TSHZ3: variants seen among roughly 807,000 people sequenced by gnomAD.
TSHZ3 encodes the protein teashirt zinc finger homeobox 3, also known as teashirt homolog 3.
A neutral mutation model predicts 64.5 loss-of-function variants in TSHZ3; 10 were observed. That is an observed-to-expected ratio of 0.16 (90% CI 0.10 to 0.26). The LOEUF (loss-of-function observed/expected upper bound fraction) is 0.26. Among genes scored for constraint, TSHZ3 ranks in the 10% least tolerant of loss-of-function variants. The pLI is 1.00. For missense variants in TSHZ3, 1,242 were observed against 1,421.7 expected (o/e 0.87, Z 2.03); for synonymous variants, 608 against 593.1 (o/e 1.03, Z -0.36).
At chr19:31,329,621 T>C (rs1917019666) in intron 1 of TSHZ3, among the ~76,000 whole-genome samples, 1 of 152,210 alleles carries the variant, frequency 6.6e-6, no homozygotes. Context: ...TGGCTACCAA[T>C]AAAAATGAAC....
At position 31,275,267 on chromosome 19, in the gene TSHZ3, A is replaced by G. The variant is rs1251241159; in HGVS notation, c.*1280T>C. 1.3e-5 allele frequency: 2 copies of G among 152,622 alleles called. No individual in the cohort carries two copies. The highest frequency in any genetic ancestry group is 2.9e-5 in the Non-Finnish European group (2 of 68,048). The allele number at this position is 152,622 out of a possible 1,614,324, so 9.5% of individuals were successfully genotyped here. On this transcript the variant is annotated 3_prime_UTR_variant, in exon 2 of 2. Coordinates refer to ENST00000240587, the MANE Select transcript of TSHZ3 (RefSeq NM_020856.4). ...GGAAGAACAAAACAGAAAGTTACCA[A>G]TTGAAATAGAAAGGCATCCTACAAT...
Position 31,171,316 on chromosome 19 carries a change from T to A in TSHZ3, n.810-14899A>T, listed in dbSNP as rs371640958. On this transcript the variant is annotated intron_variant and non_coding_transcript_variant, in intron 5 of 6. Coordinates refer to the TSHZ3 transcript ENST00000651361. Reference sequence around the variant, plus strand: ...CACAGAAAGACAATCACTGAGACAATGAGTATTGCCAGGGAAGAAGACTTT... The same window carrying A: ...CACAGAAAGACAATCACTGAGACAAAGAGTATTGCCAGGGAAGAAGACTTT... Among the ~76,000 whole-genome samples the A allele has an allele frequency of 3.9e-5, 6 of 152,150 alleles. 1 individual carries two copies. The South Asian group carries it at 1.2e-3, about 32-fold the overall frequency.
chr19:31,338,707 A>C (rs9636166), intron 1 of TSHZ3, among the ~76,000 whole-genome samples: 19,813 of 151,736 alleles, frequency 0.13, 1,808 homozygotes, highest in East Asian at 0.46. Context: ...GGGGAAGAAA[A>C]AGAGGGAGAG....
At chr19:31,260,858 T>C (rs893139172) in intron 1 of TSHZ3, among the ~76,000 whole-genome samples, 1 of 152,224 alleles carries the variant, frequency 6.6e-6, no homozygotes, top group Non-Finnish European at 1.5e-5. Flanking sequence ...GAGCTTGAAC[T>C]CAAAGGTTGT....
chr19:31,207,213 T>C (rs976530715), intron 4 of TSHZ3, among the ~76,000 whole-genome samples: 3 of 152,224 alleles, frequency 2.0e-5, no homozygotes, highest in African/African-American at 7.2e-5. Flanking sequence ...AAAAGTCTAT[T>C]CCTGCACCAT....
intron 5 of TSHZ3, among the ~76,000 whole-genome samples, chr19:31,183,777 AT>A (rs1309522130): frequency 6.6e-6 from 1 of 152,128 alleles, no homozygotes; most frequent in African/African-American, 2.4e-5. Flanking sequence ...TTGCTTCTTC[AT>A]CCCCCAAAAG....
chr19:31,206,380 G>A (rs1975176700), intron 4 of TSHZ3, among the ~76,000 whole-genome samples: 1 of 152,120 alleles, frequency 6.6e-6, no homozygotes, highest in Admixed American at 6.5e-5. Flanking sequence ...TGGATAGGTG[G>A]AGAGATGGAT....
chr19:31,292,961 C>A (rs990145468), intron 1 of TSHZ3, among the ~76,000 whole-genome samples: 2 of 146,648 alleles, frequency 1.4e-5, no homozygotes, highest in African/African-American at 5.5e-5. Context: ...ATCCATCCAA[C>A]CAAAAACCCA....
chr19:31,349,505 T>TGGAGGA (rs956503059), upstream of TSHZ3: 2 of 307,226 alleles, frequency 6.5e-6, no homozygotes, highest in South Asian at 1.3e-4. Flanking sequence ...GAGGAGGAGG[T>TGGAGGA]GGAGGAGGAG....
At chr19:31,255,782 CT>C (rs1412326057) in intron 1 of TSHZ3, among the ~76,000 whole-genome samples, 1 of 152,168 alleles carries the variant, frequency 6.6e-6, no homozygotes, top group African/African-American at 2.4e-5. Flanking sequence ...CCTTAGAAAT[CT>C]GGGGGCATCT....
In TSHZ3 at chr19:31,175,280, A is replaced by AT. The variant is rs752967324; in HGVS notation, n.810-18864dup. Among the ~76,000 whole-genome samples, 3 of 151,360 alleles carry AT rather than the reference A, an allele frequency of 2.0e-5. No individual in the cohort carries two copies. The South Asian group carries it at 6.2e-4, about 31-fold the overall frequency. ...ATACGGCTTTGTGTTTTGTTGATCA[A>AT]TTTTAATGAAAAAAAATAAAATGAA... is the stretch of plus-strand genomic sequence containing the variant. On this transcript the variant is annotated intron_variant and non_coding_transcript_variant, in intron 5 of 6. Transcript: ENST00000651361.
chr19:31,270,407 G>A (rs535756526), downstream of TSHZ3, among the ~76,000 whole-genome samples: 1 of 152,340 alleles, frequency 6.6e-6, no homozygotes, highest in East Asian at 1.9e-4. Context: ...CTGGGCTCAA[G>A]AGATTCTCCC....
At chr19:31,227,912 T>A (rs559446035) in intron 4 of TSHZ3, among the ~76,000 whole-genome samples, 2 of 152,274 alleles carry the variant, frequency 1.3e-5, no homozygotes, top group South Asian at 4.1e-4. Context: ...GAAATCTTAT[T>A]GGTTTATTTT....
At position 31,213,356 on chromosome 19, in the gene TSHZ3, C is replaced by CAAAAAAAAAAAAAAAA. The variant is rs35192337; in HGVS notation, n.687-8294_687-8279dup. On this transcript the variant is annotated intron_variant and non_coding_transcript_variant, in intron 4 of 6. Coordinates refer to the TSHZ3 transcript ENST00000651361. ...TGAGCAACAGAGCGAGACTCTGTCT[C>CAAAAAAAAAAAAAAAA]AAAAAAAAAAAAAAAAAAAAAAAAA... is the stretch of plus-strand genomic sequence containing the variant. 2.6e-4 allele frequency among the ~76,000 whole-genome samples: 6 copies of CAAAAAAAAAAAAAAAA among 23,308 alleles called. 2 individuals carry two copies. Among genetic ancestry groups the CAAAAAAAAAAAAAAAA allele is most frequent in the African/African-American group, 8.8e-4 (6 of 6,782 alleles). 15.3% of individuals were successfully genotyped at this position (23,308 alleles called of 152,430 possible).
intron 1 of TSHZ3, among the ~76,000 whole-genome samples, chr19:31,289,237 A>G (rs965135491): frequency 3.9e-5 from 6 of 152,252 alleles, no homozygotes; most frequent in Non-Finnish European, 8.8e-5. Flanking sequence ...CTCCTCTTGT[A>G]AAGGCCTCTG....
chr19:31,277,006 G>C lies in TSHZ3; in HGVS notation c.2787C>G (p.Pro929=). ...EGKYIMSDLS[P]QERMHISRFT... is the part of the protein sequence containing the mutation. ...ACCTGGAGATATGCATCCGCTCCTG[G>C]GGGCTCAGGTCTGACATGATGTACT... Residue 929 remains proline (P), a synonymous_variant, in exon 2 of 2, where the codon CCC becomes CCG. Transcript: ENST00000240587. This position sits in a 1 kb window ranked among gnomAD's most constrained non-coding sequence, Gnocchi z 4.5. The C allele has an allele frequency of 6.2e-7, 1 of 1,612,838 alleles. No homozygotes were observed. Among genetic ancestry groups the C allele is most frequent in the Non-Finnish European group, 8.5e-7 (1 of 1,179,090 alleles).
intron 4 of TSHZ3, among the ~76,000 whole-genome samples, chr19:31,206,059 AATAGATGGATGGGTGAAATGGATGG>A (rs1975163033): frequency 6.6e-6 from 1 of 151,012 alleles, no homozygotes; most frequent in Non-Finnish European, 1.5e-5. Context: ...AAGATAAATG[AATAGATGGATGGGTGAAATGGATGG>A]ATGGATGGAT....
chr19:31,167,071 G>C (rs983453027), intron 5 of TSHZ3, among the ~76,000 whole-genome samples: 1 of 152,276 alleles, frequency 6.6e-6, no homozygotes, highest in South Asian at 2.1e-4. Flanking sequence ...CTGACCAACA[G>C]AAGTTATGCT....
intron 1 of TSHZ3, among the ~76,000 whole-genome samples, chr19:31,281,154 A>C (rs1976355276): frequency 6.6e-6 from 1 of 152,320 alleles, no homozygotes; most frequent in South Asian, 2.1e-4. Context: ...AAAGGAAGGG[A>C]AGTTTTGTTT....
Sources: allele counts gnomAD v4.1 joint callset (sites outside exome capture counted in the v4.1 genomes callset), GRCh38; gene constraint gnomAD v4.1.1; non-coding constraint Gnocchi (gnomAD v3.1); transcripts MANE v1.5; gene names NCBI Gene and HGNC (gene_info 2026-07-23, HGNC 2026-07-21).